Variants in MED15 observed in about 807,000 individuals in gnomAD.
MED15 encodes mediator of RNA polymerase II transcription subunit 15.
In MED15, 41 loss-of-function variants were observed where a neutral mutation model predicts 118.7. The ratio of observed to expected loss-of-function variants is 0.35; its 90% CI spans 0.27 to 0.45. The LOEUF is 0.45. Ranked by LOEUF, MED15 falls within the 20% of genes least tolerant of loss-of-function variation. The pLI, the probability that MED15 is intolerant of heterozygous loss-of-function variation, is 1.00. For synonymous variants in MED15, 436 were observed against 413.9 expected (o/e 1.05, Z -0.65); for missense variants, 740 against 1,025.5 (o/e 0.72, Z 3.80).
Position 20,574,799 on chromosome 22 carries a change from G to A in MED15, c.1153-314G>A, listed in dbSNP as rs569417715. ...GGCTCTGATGGTTCTGTGGGCTATA[G>A]GATTCTGATCTGTTAGCGAGGTGTG... On this transcript the variant is annotated intron_variant, in intron 8 of 17. Coordinates refer to ENST00000263205, the MANE Select transcript of MED15 (RefSeq NM_001003891.3). The A allele has an allele frequency of 1.3e-4, 37 of 276,446 alleles. No homozygotes were observed. The South Asian group carries it at 1.9e-3, about 14-fold the overall frequency. The allele number at this position is 276,446 out of a possible 1,614,324, so 17.1% of individuals were successfully genotyped here.
At chr22:20,546,757 CA>C (rs915028636) in intron 2 of MED15, among the ~76,000 whole-genome samples, 1 of 152,070 alleles carries the variant, frequency 6.6e-6, no homozygotes, top group African/African-American at 2.4e-5. Flanking sequence ...CCTCATCTAG[CA>C]GGAGCTCCTG....
chr22:20,568,400 G>T (rs1601605940), intron 7 of MED15, 121 bp from the exon 8 acceptor site: 1 of 1,428,614 alleles, frequency 7.0e-7, no homozygotes, highest in East Asian at 2.5e-5. Context: ...AGCACATGAG[G>T]TCATGAAAGT....
At position 20,566,823 on chromosome 22, in the gene MED15, T is replaced by C; in HGVS notation, c.1041+6T>C. The C allele has an allele frequency of 6.2e-7, 1 of 1,612,612 alleles. No individual in the cohort carries two copies. The highest frequency in any genetic ancestry group is 2.2e-5 in the East Asian group (1 of 44,862). ...CCCAACCACCACTGAAATTTGTGAG[T>C]ACCTGTGGCCCACAGTGGAGCACAT... is the stretch of plus-strand genomic sequence containing the variant. On this transcript the variant is annotated splice_donor_region_variant and intron_variant, in intron 7 of 17. Transcript: ENST00000263205.
Position 20,575,099 on chromosome 22 carries a change from C to T in MED15, c.1153-14C>T, listed in dbSNP as rs2056783766. The T allele has an allele frequency of 2.5e-6, 4 of 1,613,460 alleles. No homozygotes were observed. The East Asian group carries it at 8.9e-5, about 36-fold the overall frequency. ...GTTGCGATCACCTTGTCTGTTGTCC[C>T]TCTGTCCTCAAAGATGATCACGGAA... On this transcript the variant is annotated splice_polypyrimidine_tract_variant and intron_variant, in intron 8 of 17. Coordinates refer to ENST00000263205, the MANE Select transcript of MED15 (RefSeq NM_001003891.3).
At chr22:20,584,562 C>G in intron 14 of MED15, 137 bp downstream of exon 14, 4 of 1,073,726 alleles carry the variant, frequency 3.7e-6, no homozygotes, top group Non-Finnish European at 5.6e-6. Flanking sequence ...CACGAGGCTT[C>G]CTGGCCAGGT....
At position 20,586,827 on chromosome 22, in the gene MED15, TTCTG is replaced by T; in HGVS notation, c.*124_*127del. Reference sequence around the variant, plus strand: ...TTAGGTTAGCTTTCCTGCTTTTATCTTCTGCCTTGGGGACCTGCCAAACGAAATC... The same window carrying T: ...TTAGGTTAGCTTTCCTGCTTTTATCTCCTTGGGGACCTGCCAAACGAAATC... On this transcript the variant is annotated 3_prime_UTR_variant, in exon 18 of 18. Coordinates refer to ENST00000263205, the MANE Select transcript of MED15 (RefSeq NM_001003891.3). The T allele has an allele frequency of 7.2e-7, 1 of 1,398,494 alleles. No homozygotes were observed. Among genetic ancestry groups the T allele is most frequent in the Non-Finnish European group, 9.6e-7 (1 of 1,041,872 alleles). The allele number at this position is 1,398,494 out of a possible 1,614,324, so 86.6% of individuals were successfully genotyped here.
At chr22:20,529,752 C>G (rs937558707) in intron 1 of MED15, among the ~76,000 whole-genome samples, 3 of 152,100 alleles carry the variant, frequency 2.0e-5, no homozygotes, top group Non-Finnish European at 4.4e-5. Context: ...GCGCCCACCA[C>G]CTTGCCCTTT....
chr22:20,524,764 G>A (rs1175636340), intron 1 of MED15, among the ~76,000 whole-genome samples: 1 of 152,202 alleles, frequency 6.6e-6, no homozygotes, highest in Non-Finnish European at 1.5e-5. Flanking sequence ...TGGGCTTACA[G>A]GCGCCTGCCA....
intron 16 of MED15, 95 bp from the exon 17 acceptor site, chr22:20,585,633 C>A: frequency 8.5e-7 from 1 of 1,176,768 alleles, no homozygotes; most frequent in Non-Finnish European, 1.2e-6. Flanking sequence ...TTCACCAGAA[C>A]CTCCCTGGGT....
At chr22:20,539,206 C>T (rs907673969) in intron 2 of MED15, among the ~76,000 whole-genome samples, 1 of 152,156 alleles carries the variant, frequency 6.6e-6, no homozygotes, top group South Asian at 2.1e-4. Flanking sequence ...TCAAGCAAGT[C>T]TCCTGTCTCA....
At chr22:20,574,986 C>G (rs567629411) in intron 8 of MED15, 127 bp from the exon 9 acceptor site, 1 of 1,439,142 alleles carries the variant, frequency 6.9e-7, no homozygotes, top group East Asian at 2.3e-5. Flanking sequence ...CAGGCTGCCC[C>G]GAGCTGCCCA....
chr22:20,521,840 C>G (rs2054474418), intron 1 of MED15, among the ~76,000 whole-genome samples: 1 of 151,418 alleles, frequency 6.6e-6, no homozygotes, highest in Admixed American at 6.6e-5. Context: ...ATTCTCCCAC[C>G]TCGGCCTCCA....
At position 20,563,103 on chromosome 22, in the gene MED15, C is replaced by CA. The variant is rs1263406486; in HGVS notation, c.452-1346dup. On this transcript the variant is annotated intron_variant, in intron 5 of 17. Coordinates refer to ENST00000263205, the MANE Select transcript of MED15 (RefSeq NM_001003891.3). ...TAGTGACAGCCTCAAGTGTTGGTGA[C>CA]AGAGAAACTGAATCACTCATATATT... Among the ~76,000 whole-genome samples the CA allele has an allele frequency of 2.6e-5, 4 of 152,050 alleles. No individual in the cohort carries two copies. In the South Asian group the frequency reaches 8.3e-4, roughly 32 times the overall value.
At chr22:20,508,305 C>A (rs770502385) in intron 1 of MED15, 22 of 1,302,852 alleles carry the variant, frequency 1.7e-5, no homozygotes, top group Non-Finnish European at 2.0e-5. Context: ...AAGCGATCGT[C>A]GTTTCTGGAG....
Position 20,537,201 on chromosome 22 carries a change from C to A in MED15, c.153C>A (p.Thr51=). Residue 51 remains threonine, a synonymous_variant, in exon 2 of 18, where the codon ACC becomes ACA. Coordinates refer to ENST00000263205, the MANE Select transcript of MED15 (RefSeq NM_001003891.3). The part of the protein sequence containing the change: ...MESHVFLKAK[T]RDEYLSLVAR... ...GCCATGTTTTCCTGAAGGCCAAGACCCGGGTAAGGCCCTAGTAAGTGGAGC... is the reference window on the plus strand; with the variant it reads ...GCCATGTTTTCCTGAAGGCCAAGACACGGGTAAGGCCCTAGTAAGTGGAGC... 1 of 1,612,262 alleles carries A rather than the reference C, an allele frequency of 6.2e-7. No individual in the cohort carries two copies. The highest frequency in any genetic ancestry group is 8.5e-7 in the Non-Finnish European group (1 of 1,179,368).
At position 20,537,312 on chromosome 22, in the gene MED15, G is replaced by T; in HGVS notation, c.156+108G>T. On this transcript the variant is annotated intron_variant, in intron 2 of 17. Transcript: ENST00000263205. ...TGTCCTAGGGTGTAGGGGTGGGGTG[G>T]TTGCTCATCGATTGATCACAGGCAC... is the stretch of plus-strand genomic sequence containing the variant. 4 of 899,722 alleles carry T rather than the reference G, an allele frequency of 4.4e-6. No homozygotes were observed. In the South Asian group the frequency reaches 4.9e-5, roughly 11 times the overall value. The allele number at this position is 899,722 out of a possible 1,614,324, so 55.7% of individuals were successfully genotyped here.
chr22:20,583,437 A>G, intron 13 of MED15, 44 bp downstream of exon 13: 1 of 1,606,432 alleles, frequency 6.2e-7, no homozygotes, highest in Non-Finnish European at 8.5e-7. Flanking sequence ...AAGGGCACAG[A>G]TAGCCCAGCC....
intron 9 of MED15, among the ~76,000 whole-genome samples, chr22:20,577,547 G>A (rs890164230): frequency 1.3e-5 from 2 of 152,080 alleles, no homozygotes; most frequent in South Asian, 4.2e-4. Flanking sequence ...ACCCCCAAAG[G>A]CAAGGAGGTA....
intron 8 of MED15, among the ~76,000 whole-genome samples, chr22:20,572,008 G>C (rs165620): frequency 0.94 from 143,185 of 152,298 alleles, 67,383 homozygotes; most frequent in East Asian, 1. Flanking sequence ...TGGTCGGCAC[G>C]AAGGAACTCT....
Sources: allele counts gnomAD v4.1 joint callset (sites outside exome capture counted in the v4.1 genomes callset), GRCh38; gene constraint gnomAD v4.1.1; transcripts MANE v1.5; gene names NCBI Gene and HGNC (gene_info 2026-07-23, HGNC 2026-07-21).